WNK2: variants seen among roughly 807,000 people sequenced by gnomAD.
The protein encoded by WNK2 is serine/threonine-protein kinase WNK2.
Under a neutral mutation model 192.1 loss-of-function variants are expected in WNK2, and 67 were observed. That is an observed-to-expected ratio of 0.35 (90% CI 0.29 to 0.43). The LOEUF (loss-of-function observed/expected upper bound fraction) is 0.43. Ranked by LOEUF, WNK2 falls within the 20% of genes least tolerant of loss-of-function variation. WNK2 has a pLI of 1.00. For missense variants in WNK2, 2,698 were observed against 3,089.7 expected (o/e 0.87, Z 3.01); for synonymous variants, 1,439 against 1,393.9 (o/e 1.03, Z -0.72).
At chr9:93,318,283 G>A (rs1379794827) in intron 29 of WNK2, 1 of 1,511,432 alleles carries the variant, frequency 6.6e-7, no homozygotes, top group Non-Finnish European at 8.8e-7. Flanking sequence ...TCAATCTTTG[G>A]TTTTCTGTTG....
chr9:93,204,313 A>C (rs1286646229), intron 2 of WNK2, among the ~76,000 whole-genome samples: 6 of 152,188 alleles, frequency 3.9e-5, no homozygotes, highest in African/African-American at 1.4e-4. Flanking sequence ...GAGGGCGGGC[A>C]GAAGAACTGA....
intron 19 of WNK2, among the ~76,000 whole-genome samples, chr9:93,287,873 C>T (rs144197240): frequency 0.022 from 3,358 of 152,052 alleles, 127 homozygotes; most frequent in African/African-American, 0.077. Flanking sequence ...CCAGCCTGGG[C>T]AACATGGTGA....
In WNK2 at chr9:93,259,721, G is replaced by T; in HGVS notation, c.3066+107G>T. 8.9e-7 allele frequency: 1 copy of T among 1,117,628 alleles called. No homozygotes were observed. Among genetic ancestry groups the T allele is most frequent in the East Asian group, 2.6e-5 (1 of 38,250 alleles). 69.2% of individuals were successfully genotyped at this position (1,117,628 alleles called of 1,614,324 possible). ...AGGCAAGGAGGCAGCCCTGCCTGGG[G>T]TCGCCCCTCTCAGGAAGAGATGTGT... On this transcript the variant is annotated intron_variant, in intron 12 of 29. Transcript: ENST00000427277. The surrounding 1 kb of genome is among the most constrained non-coding windows in gnomAD (Gnocchi z 4.8).
chr9:93,313,075 C>T (rs1564239700), intron 28 of WNK2, among the ~76,000 whole-genome samples: 2 of 152,162 alleles, frequency 1.3e-5, no homozygotes, highest in Non-Finnish European at 2.9e-5. Context: ...CTGTTGATAT[C>T]CTCATTGTGT....
chr9:93,276,790 C>A (rs1280763743), intron 19 of WNK2, among the ~76,000 whole-genome samples: 2 of 152,168 alleles, frequency 1.3e-5, no homozygotes, highest in South Asian at 2.1e-4. Context: ...GTAATCCCAG[C>A]ACTTTGGGAG....
intron 2 of WNK2, among the ~76,000 whole-genome samples, chr9:93,186,042 CAG>C (rs1470552676): frequency 6.6e-6 from 1 of 152,260 alleles, no homozygotes; most frequent in Non-Finnish European, 1.5e-5. Flanking sequence ...TGTGTGCAGT[CAG>C]AGTGTTTTGG....
intron 21 of WNK2, among the ~76,000 whole-genome samples, chr9:93,291,774 C>A (rs1350270337): frequency 1.3e-5 from 2 of 152,224 alleles, no homozygotes; most frequent in Non-Finnish European, 2.9e-5. Flanking sequence ...GCGAGGCCCC[C>A]ATGTCAGCTT....
intron 19 of WNK2, among the ~76,000 whole-genome samples, chr9:93,280,151 G>A (rs1389033998): frequency 6.6e-6 from 1 of 152,196 alleles, no homozygotes; most frequent in Non-Finnish European, 1.5e-5. Context: ...AAGCACATAT[G>A]TGATAAAGGT....
intron 2 of WNK2, among the ~76,000 whole-genome samples, chr9:93,225,702 G>A (rs986751366): frequency 3.3e-5 from 5 of 152,140 alleles, no homozygotes; most frequent in South Asian, 2.1e-4. Flanking sequence ...TAAAATACTG[G>A]CAAAAATAAC....
chr9:93,240,990 T>G (rs1187302748), intron 7 of WNK2, among the ~76,000 whole-genome samples: 2 of 152,176 alleles, frequency 1.3e-5, no homozygotes, highest in Non-Finnish European at 2.9e-5. Flanking sequence ...CGGGGGCTGT[T>G]AGAAGTTCTT....
intron 2 of WNK2, among the ~76,000 whole-genome samples, chr9:93,224,585 C>T (rs1837493573): frequency 6.6e-6 from 1 of 152,198 alleles, no homozygotes. Context: ...CCTGCCTTGC[C>T]TGTGTGTGAC....
chr9:93,253,100 T>A lies in WNK2; in HGVS notation c.2034+18T>A. Reference sequence around the variant, plus strand: ...CGGCTGCAGTGAGTCAGAGCATCACTCCCACCCCCTTCCCCATCCCCATTA... The same window carrying A: ...CGGCTGCAGTGAGTCAGAGCATCACACCCACCCCCTTCCCCATCCCCATTA... On this transcript the variant is annotated intron_variant, in intron 9 of 29. Coordinates refer to ENST00000427277, the MANE Select transcript of WNK2 (RefSeq NM_006648.4). 7.2e-7 allele frequency: 1 copy of A among 1,383,794 alleles called. No individual in the cohort carries two copies. 85.7% of individuals were successfully genotyped at this position (1,383,794 alleles called of 1,614,324 possible).
intron 2 of WNK2, among the ~76,000 whole-genome samples, chr9:93,198,643 C>T (rs1032035279): frequency 2.0e-5 from 3 of 152,218 alleles, no homozygotes; most frequent in Non-Finnish European, 4.4e-5. Context: ...CCACAGCCTC[C>T]ATCCTCTGAT....
chr9:93,263,415 C>A, intron 14 of WNK2, 151 bp from the exon 15 acceptor site: 1 of 894,846 alleles, frequency 1.1e-6, no homozygotes, highest in Non-Finnish European at 1.6e-6. Context: ...CAGAAGCAGG[C>A]TTGGGGTATT....
intron 8 of WNK2, among the ~76,000 whole-genome samples, chr9:93,249,804 G>A (rs190078038): frequency 8.6e-5 from 13 of 150,912 alleles, no homozygotes; most frequent in African/African-American, 2.9e-4. Context: ...GTTCATTGCG[G>A]TTTCTTTAAA....
chr9:93,238,368 A>G (rs1489597468), intron 6 of WNK2, 47 bp downstream of exon 6: 3 of 1,552,154 alleles, frequency 1.9e-6, no homozygotes, highest in African/African-American at 1.4e-5. Flanking sequence ...CTCCAGCTGA[A>G]CTCATTCCAG....
chr9:93,202,561 G>A (rs1373432270), intron 2 of WNK2, among the ~76,000 whole-genome samples: 1 of 152,060 alleles, frequency 6.6e-6, no homozygotes, highest in Non-Finnish European at 1.5e-5. Flanking sequence ...TCTCAGGGAG[G>A]GGTGGGTATT....
At chr9:93,260,348 G>A (rs118082220) in intron 12 of WNK2, among the ~76,000 whole-genome samples, 51 of 152,234 alleles carry the variant, frequency 3.4e-4, no homozygotes, top group East Asian at 2.7e-3. Context: ...GGGCACTCTC[G>A]CACTTGGGCC....
In WNK2 at chr9:93,308,324, C is replaced by T. The variant is rs1852988320; in HGVS notation, c.6260-4C>T. 1 of 1,552,434 alleles carries T rather than the reference C, an allele frequency of 6.4e-7. No homozygotes were observed. Among genetic ancestry groups the T allele is most frequent in the African/African-American group, 1.4e-5 (1 of 73,264 alleles). Reference sequence around the variant, plus strand: ...CCAATCCTGGCCTGTGTGTGACTCCCCAGGGTCCTCCACCAGCAGCCTGGC... The same window carrying T: ...CCAATCCTGGCCTGTGTGTGACTCCTCAGGGTCCTCCACCAGCAGCCTGGC... On this transcript the variant is annotated splice_polypyrimidine_tract_variant and splice_region_variant and intron_variant, in intron 27 of 29. Transcript: ENST00000427277.
Sources: allele counts gnomAD v4.1 joint callset (sites outside exome capture counted in the v4.1 genomes callset), GRCh38; gene constraint gnomAD v4.1.1; non-coding constraint Gnocchi (gnomAD v3.1); transcripts MANE v1.5; gene names NCBI Gene and HGNC (gene_info 2026-07-23, HGNC 2026-07-21).